Variants in ECT2L observed in about 807,000 individuals in gnomAD.
The protein encoded by ECT2L is epithelial cell-transforming sequence 2 oncogene-like.
A neutral mutation model predicts 122.8 loss-of-function variants in ECT2L; 126 were observed. The ratio of observed to expected loss-of-function variants is 1.03; its 90% CI spans 0.89 to 1.19. The LOEUF is 1.19. Among genes scored for constraint, ECT2L ranks in the 50% most tolerant of loss-of-function variants. ECT2L has a pLI of 0.00. For synonymous variants in ECT2L, 385 were observed against 381.8 expected (o/e 1.01, Z -0.10); for missense variants, 1,012 against 1,064.1 (o/e 0.95, Z 0.68).
intron 4 of ECT2L, among the ~76,000 whole-genome samples, chr6:138,829,256 G>A (rs1776568622): frequency 6.6e-6 from 1 of 152,138 alleles, no homozygotes; most frequent in Non-Finnish European, 1.5e-5. Context: ...TCCCCAAGGA[G>A]CCCTGTTTCC....
At chr6:138,867,340 T>A (rs760969476) in intron 12 of ECT2L, among the ~76,000 whole-genome samples, 3 of 152,148 alleles carry the variant, frequency 2.0e-5, no homozygotes, top group Non-Finnish European at 4.4e-5. Flanking sequence ...CATTGCATAA[T>A]AGAATTTTTA....
chr6:138,849,720 C>T (rs917033876), intron 9 of ECT2L, among the ~76,000 whole-genome samples: 4 of 151,884 alleles, frequency 2.6e-5, no homozygotes, highest in East Asian at 3.9e-4. Flanking sequence ...AGGTGTGTGC[C>T]GCCACGCCCA....
chr6:138,869,689 A>T (rs1778179013), intron 13 of ECT2L, among the ~76,000 whole-genome samples: 1 of 152,206 alleles, frequency 6.6e-6, no homozygotes, highest in Non-Finnish European at 1.5e-5. Context: ...CTAATTATTT[A>T]AAAATAACCA....
Position 138,823,537 on chromosome 6 carries a change from C to A in ECT2L, c.179+8934C>A. 1.9e-6 allele frequency: 3 copies of A among 1,571,184 alleles called. No individual in the cohort carries two copies. In the East Asian group the frequency reaches 6.9e-5, roughly 36 times the overall value. On this transcript the variant is annotated intron_variant, in intron 4 of 21. Coordinates refer to ENST00000541398, the MANE Select transcript of ECT2L (RefSeq NM_001077706.3). The stretch of plus-strand genomic sequence containing the variant: ...TATAACATTGTCAAGTTCTGCCGAG[C>A]CATAGACATCATCTACTCCCTGATC...
chr6:138,847,126 C>T (rs1038464332), intron 8 of ECT2L, among the ~76,000 whole-genome samples: 9 of 151,296 alleles, frequency 5.9e-5, no homozygotes, highest in Admixed American at 3.3e-4. Context: ...AAAAAATAGC[C>T]GGGTGTGGTG....
In ECT2L at chr6:138,900,997, C is replaced by T; in HGVS notation, c.2464C>T (p.Leu822=). The T allele has an allele frequency of 6.2e-7, 1 of 1,614,176 alleles. No homozygotes were observed. Among genetic ancestry groups the T allele is most frequent in the Non-Finnish European group, 8.5e-7 (1 of 1,180,028 alleles). ...DLSLFLFNDA[L]LVSSRGTSHT... ...CAGCCTTTTCCTCTTCAATGATGCC[C>T]TGCTCGTTTCTAGTCGGGGCACATC... is the stretch of plus-strand genomic sequence containing the variant. The change falls in exon 21 of 22, where the codon CTG becomes TTG. Residue 822 remains leucine, a synonymous_variant. Coordinates refer to ENST00000541398, the MANE Select transcript of ECT2L (RefSeq NM_001077706.3).
chr6:138,808,370 G>C (rs1441725027), intron 1 of ECT2L, among the ~76,000 whole-genome samples: 1 of 152,066 alleles, frequency 6.6e-6, no homozygotes, highest in Non-Finnish European at 1.5e-5. Context: ...TCAGCCTCCA[G>C]AGTAGGTGGG....
chr6:138,895,155 GCCTGCAACCTTGTTTTCTGTCA>G lies in ECT2L; in HGVS notation c.2415-5792_2415-5771del, dbSNP rs1269224092. On this transcript the variant is annotated intron_variant, in intron 20 of 21. Transcript: ENST00000541398. ...GCAAAAAGATATCACACAATACTTA[GCCTGCAACCTTGTTTTCTGTCA>G]TTTTAGAAAATCACATAAAACCCAA... Among the ~76,000 whole-genome samples the G allele has an allele frequency of 3.3e-5, 5 of 152,100 alleles. No homozygotes were observed. In the East Asian group the frequency reaches 9.7e-4, roughly 29 times the overall value.
At chr6:138,846,861 C>T (rs1777240354) in intron 8 of ECT2L, among the ~76,000 whole-genome samples, 184 bp downstream of exon 8, 1 of 148,572 alleles carries the variant, frequency 6.7e-6, no homozygotes, top group South Asian at 2.1e-4. Flanking sequence ...ACTCAGAAGG[C>T]TGAGGTGGGA....
chr6:138,804,146 A>G (rs1391816023), intron 1 of ECT2L, among the ~76,000 whole-genome samples: 3 of 152,190 alleles, frequency 2.0e-5, no homozygotes, highest in Non-Finnish European at 4.4e-5. Context: ...GATTGAGCCA[A>G]AATCTTCCTC....
At chr6:138,868,780 GAGA>G (rs1261065812) in intron 13 of ECT2L, among the ~76,000 whole-genome samples, 15 of 152,170 alleles carry the variant, frequency 9.9e-5, no homozygotes, top group African/African-American at 2.4e-5. Context: ...AGAAAACAGT[GAGA>G]AGGAGCCAGT....
At chr6:138,890,338 T>A (rs76235822) in intron 20 of ECT2L, among the ~76,000 whole-genome samples, 1,550 of 152,236 alleles carry the variant, frequency 0.01, 24 homozygotes, top group African/African-American at 0.035. Context: ...AATGAATATT[T>A]CAACAAATGT....
At chr6:138,883,764 C>T (rs1353294182) in intron 16 of ECT2L, among the ~76,000 whole-genome samples, 1 of 152,240 alleles carries the variant, frequency 6.6e-6, no homozygotes, top group Non-Finnish European at 1.5e-5. Context: ...ATCAGGAACA[C>T]ACTGGTGCCT....
At chr6:138,797,834 G>A (rs954806667) in intron 1 of ECT2L, among the ~76,000 whole-genome samples, 2 of 151,908 alleles carry the variant, frequency 1.3e-5, no homozygotes, top group East Asian at 1.9e-4. Context: ...GATCCCATAC[G>A]TTCAGGGCTC....
At chr6:138,853,926 T>C in intron 9 of ECT2L, 100 bp from the exon 10 acceptor site, 1 of 1,358,722 alleles carries the variant, frequency 7.4e-7, no homozygotes, top group Non-Finnish European at 1.0e-6. Flanking sequence ...TGCAGGCAGA[T>C]GGCATTTTGA....
intron 20 of ECT2L, among the ~76,000 whole-genome samples, chr6:138,891,499 T>A (rs187549259): frequency 2.0e-5 from 3 of 152,334 alleles, no homozygotes; most frequent in Admixed American, 2.0e-4. Context: ...CAATCTCTTA[T>A]CTAAAGCCAG....
rs1775983031 is a variant in ECT2L, at chr6:138,813,851, C to T, written c.66+511C>T. Reference sequence around the variant, plus strand: ...CTCTTGTGAGTTCAGCCTCATTCACCAGAGAAGGAGACTAGACCAGGCTGG... The same window carrying T: ...CTCTTGTGAGTTCAGCCTCATTCACTAGAGAAGGAGACTAGACCAGGCTGG... On this transcript the variant is annotated intron_variant, in intron 3 of 21. Transcript: ENST00000541398. Among the ~76,000 whole-genome samples the T allele has an allele frequency of 2.0e-5, 3 of 152,136 alleles. No individual in the cohort carries two copies. The South Asian group carries it at 6.2e-4, about 31-fold the overall frequency.
chr6:138,887,736 T>A (rs1778876573), intron 19 of ECT2L, among the ~76,000 whole-genome samples: 2 of 152,262 alleles, frequency 1.3e-5, no homozygotes, highest in South Asian at 4.1e-4. Context: ...AATGTTAACC[T>A]CTTTTCACAC....
chr6:138,825,316 A>G (rs180734945), intron 4 of ECT2L, among the ~76,000 whole-genome samples: 1 of 152,352 alleles, frequency 6.6e-6, no homozygotes, highest in Non-Finnish European at 1.5e-5. Context: ...GCGGTGGCTC[A>G]TGCCTGTAAT....
Sources: gnomAD v4.1 joint callset for allele counts (sites outside exome capture counted in the v4.1 genomes callset) on GRCh38, gnomAD v4.1.1 for gene constraint, MANE v1.5 for transcripts, NCBI Gene and HGNC (gene_info 2026-07-23, HGNC 2026-07-21) for gene names.